Variants in CNBD1 observed in about 807,000 individuals in gnomAD.
CNBD1 encodes the protein cyclic nucleotide-binding domain-containing protein 1.
Under a neutral mutation model 54.4 loss-of-function variants are expected in CNBD1, and 71 were observed. The ratio of observed to expected loss-of-function variants is 1.30; its 90% CI spans 1.08 to 1.59. CNBD1 has a LOEUF of 1.59. Among genes scored for constraint, CNBD1 ranks in the 40% most tolerant of loss-of-function variants. The pLI is 0.00. For synonymous variants in CNBD1, 182 were observed against 170.7 expected (o/e 1.07, Z -0.51); for missense variants, 659 against 518.0 (o/e 1.27, Z -2.64).
chr8:87,274,015 G>A (rs1171893860), intron 6 of CNBD1, among the ~76,000 whole-genome samples: 1 of 148,734 alleles, frequency 6.7e-6, no homozygotes. Context: ...GTGAGAATAT[G>A]CGGTGTTTGG....
chr8:87,383,562 C>T (rs1395846222), downstream of CNBD1, among the ~76,000 whole-genome samples: 1 of 151,816 alleles, frequency 6.6e-6, no homozygotes, highest in Non-Finnish European at 1.5e-5. Context: ...TAACATACTG[C>T]TGCCCATGCA....
At chr8:86,983,061 A>T (rs1438969370) in intron 4 of CNBD1, among the ~76,000 whole-genome samples, 1 of 152,164 alleles carries the variant, frequency 6.6e-6, no homozygotes, top group Admixed American at 6.5e-5. Context: ...TATGATGCTG[A>T]GTGATATGGT....
At chr8:87,336,488 G>T (rs1280516719) in intron 8 of CNBD1, among the ~76,000 whole-genome samples, 1 of 151,676 alleles carries the variant, frequency 6.6e-6, no homozygotes, top group African/African-American at 2.4e-5. Flanking sequence ...GATCAATTTG[G>T]CTATTGATCC....
At chr8:87,049,195 A>G (rs1038292565) in intron 4 of CNBD1, among the ~76,000 whole-genome samples, 3 of 152,064 alleles carry the variant, frequency 2.0e-5, no homozygotes, top group African/African-American at 7.2e-5. Flanking sequence ...TATTTCCCTC[A>G]GTTATGTCAT....
chr8:87,070,369 A>G (rs1385625680), intron 4 of CNBD1, among the ~76,000 whole-genome samples: 3 of 152,084 alleles, frequency 2.0e-5, no homozygotes, highest in African/African-American at 7.2e-5. Flanking sequence ...TTGAAGGAAA[A>G]GGTGGAAGTA....
intron 4 of CNBD1, among the ~76,000 whole-genome samples, chr8:87,006,339 A>G (rs1056184900): frequency 2.0e-5 from 3 of 152,206 alleles, no homozygotes; most frequent in Non-Finnish European, 4.4e-5. Flanking sequence ...CCAATTTCCT[A>G]TAATTATAAC....
At chr8:87,238,921 A>G (rs1807634948) in intron 6 of CNBD1, among the ~76,000 whole-genome samples, 2 of 152,108 alleles carry the variant, frequency 1.3e-5, no homozygotes, top group African/African-American at 4.8e-5. Context: ...CATGGTCCTT[A>G]TAAATACTCA....
intron 5 of CNBD1, among the ~76,000 whole-genome samples, chr8:87,223,830 A>G (rs944454142): frequency 2.1e-4 from 32 of 152,158 alleles, no homozygotes; most frequent in African/African-American, 7.2e-4. Flanking sequence ...GACTTCCACA[A>G]TGGTTGAACT....
chr8:86,879,025 A>G (rs1390692539), intron 1 of CNBD1, among the ~76,000 whole-genome samples: 1 of 152,198 alleles, frequency 6.6e-6, no homozygotes, highest in African/African-American at 2.4e-5. Flanking sequence ...AGATAAAATA[A>G]TTAAAATATG....
rs1394568896 is a variant in CNBD1, at chr8:87,163,889, G to A, written c.432-42104G>A. The stretch of plus-strand genomic sequence containing the variant: ...TATTGTTTTTGATCTTAGAGAAAAA[G>A]TTTTCCACATTTTACTGCTGAGTCT... On this transcript the variant is annotated intron_variant, in intron 4 of 10. Transcript: ENST00000518476. This position sits in a 1 kb window ranked among gnomAD's most constrained non-coding sequence, Gnocchi z 4.5. Among the ~76,000 whole-genome samples, 1 of 151,794 alleles carries A rather than the reference G, an allele frequency of 6.6e-6. No homozygotes were observed. Among genetic ancestry groups the A allele is most frequent in the East Asian group, 1.9e-4 (1 of 5,184 alleles).
chr8:86,956,114 C>T lies in CNBD1; in HGVS notation c.431+16360C>T, dbSNP rs575210410. On this transcript the variant is annotated intron_variant, in intron 4 of 10. Coordinates refer to ENST00000518476, the MANE Select transcript of CNBD1 (RefSeq NM_173538.3). ...TCCTTTCCCCATTGCTTGTTTTTCT[C>T]AGGTTCGTCAAAGATCAGATAGTTG... 2.2e-3 allele frequency among the ~76,000 whole-genome samples: 341 copies of T among 152,136 alleles called. 1 individual carries two copies. Among genetic ancestry groups the T allele is most frequent in the Non-Finnish European group, 4.1e-3 (280 of 68,008 alleles).
At chr8:86,973,048 A>G (rs1334490083) in intron 4 of CNBD1, among the ~76,000 whole-genome samples, 2 of 152,298 alleles carry the variant, frequency 1.3e-5, no homozygotes, top group East Asian at 3.9e-4. Context: ...GGGTGTAATC[A>G]TCTTGTTTGA....
At chr8:87,335,948 T>C (rs751539603) in intron 8 of CNBD1, among the ~76,000 whole-genome samples, 6 of 152,166 alleles carry the variant, frequency 3.9e-5, no homozygotes, top group Non-Finnish European at 7.3e-5. Context: ...GGATTTTATT[T>C]CTCCTTTGCT....
intron 8 of CNBD1, among the ~76,000 whole-genome samples, chr8:87,314,307 AT>A (rs66473044): frequency 0.31 from 46,407 of 151,442 alleles, 8,319 homozygotes; most frequent in Middle Eastern, 0.43. Flanking sequence ...AAAGCATCTC[AT>A]TTTTTAAAAA....
chr8:87,385,763 A>G (rs1353240066), downstream of CNBD1, among the ~76,000 whole-genome samples: 1 of 152,126 alleles, frequency 6.6e-6, no homozygotes, highest in East Asian at 1.9e-4. Flanking sequence ...AGCTTTGAAG[A>G]GAGTAGTGGT....
chr8:87,366,357 C>A (rs1003015879), intron 10 of CNBD1, among the ~76,000 whole-genome samples: 6 of 151,956 alleles, frequency 3.9e-5, no homozygotes, highest in African/African-American at 7.2e-5. Flanking sequence ...TGTTTTCTTG[C>A]GGTTTTTACC....
chr8:87,417,562 T>C (rs1187444061), intron 2 of CNBD1, among the ~76,000 whole-genome samples: 1 of 152,044 alleles, frequency 6.6e-6, no homozygotes, highest in African/African-American at 2.4e-5. Flanking sequence ...CTCACGTCTC[T>C]TTGCTGATGA....
intron 4 of CNBD1, among the ~76,000 whole-genome samples, chr8:87,028,540 C>T (rs1809705985): frequency 6.6e-6 from 1 of 152,172 alleles, no homozygotes; most frequent in African/African-American, 2.4e-5. Flanking sequence ...TCAGGTGATG[C>T]AGCTGAGAAG....
chr8:87,039,896 G>T (rs1481313315), intron 4 of CNBD1, among the ~76,000 whole-genome samples: 1 of 152,138 alleles, frequency 6.6e-6, no homozygotes. Context: ...ATTTCATAGG[G>T]AGTCAATGCT....
Sources: allele counts gnomAD v4.1 joint callset (sites outside exome capture counted in the v4.1 genomes callset), GRCh38; gene constraint gnomAD v4.1.1; non-coding constraint Gnocchi (gnomAD v3.1); transcripts MANE v1.5; gene names NCBI Gene and HGNC (gene_info 2026-07-23, HGNC 2026-07-21).